Variants in ROBO2 observed in about 807,000 individuals in gnomAD.
The protein encoded by ROBO2 is roundabout guidance receptor 2.
ROBO2 carries 53 observed loss-of-function variants against 160.8 expected under a neutral mutation model. The observed-to-expected ratio is 0.33, with a 90% CI of 0.26 to 0.41. The LOEUF is 0.41. Among genes scored for constraint, ROBO2 ranks in the 10% least tolerant of loss-of-function variants. The pLI is 1.00. For synonymous variants in ROBO2, 664 were observed against 611.7 expected, an observed-to-expected ratio of 1.09 and a Z score of -1.26; for missense variants, 1,577 against 1,722.4, an observed-to-expected ratio of 0.92 and a Z score of 1.49.
chr3:77,253,565 TG>T (rs2090616241), intron 2 of ROBO2, among the ~76,000 whole-genome samples: 1 of 152,206 alleles, frequency 6.6e-6, no homozygotes, highest in African/African-American at 2.4e-5. Flanking sequence ...TTTCCCTAGG[TG>T]GGAGGACTCT....
intron 2 of ROBO2, among the ~76,000 whole-genome samples, chr3:76,562,932 C>A (rs2084290811): frequency 6.6e-6 from 1 of 151,902 alleles, no homozygotes; most frequent in Non-Finnish European, 1.5e-5. Flanking sequence ...CCCTTTCTTT[C>A]TTTTCTTTCT....
chr3:77,160,588 C>G (rs1173424402), intron 2 of ROBO2, among the ~76,000 whole-genome samples: 1 of 152,136 alleles, frequency 6.6e-6, no homozygotes, highest in Non-Finnish European at 1.5e-5. Context: ...CTGAATTATT[C>G]TGTTCTATAA....
At chr3:76,848,260 G>A (rs556684329) in intron 2 of ROBO2, among the ~76,000 whole-genome samples, 17 of 152,296 alleles carry the variant, frequency 1.1e-4, no homozygotes, top group Admixed American at 4.6e-4. Context: ...GTTCTGGGAT[G>A]TCTCATAGCC....
intron 2 of ROBO2, among the ~76,000 whole-genome samples, chr3:77,435,063 T>A (rs1349921406): frequency 6.6e-6 from 1 of 151,998 alleles, no homozygotes; most frequent in Non-Finnish European, 1.5e-5. Flanking sequence ...ATCAGTGAGA[T>A]GAACCCTATC....
intron 2 of ROBO2, among the ~76,000 whole-genome samples, chr3:76,752,859 G>A (rs1272564321): frequency 1.3e-5 from 2 of 151,588 alleles, no homozygotes; most frequent in Middle Eastern, 3.4e-3. Flanking sequence ...TTGTATTTTT[G>A]TTTCTAAGTA....
chr3:76,624,857 G>A (rs1168052629), intron 2 of ROBO2, among the ~76,000 whole-genome samples: 1 of 125,414 alleles, frequency 8.0e-6, no homozygotes, highest in African/African-American at 3.0e-5. Flanking sequence ...AGAAAACTGT[G>A]ATATCTGGAA....
chr3:76,792,589 C>G (rs779661260), intron 2 of ROBO2, among the ~76,000 whole-genome samples: 2 of 151,486 alleles, frequency 1.3e-5, no homozygotes, highest in Non-Finnish European at 3.0e-5. Context: ...AAAATTTCAG[C>G]AATATTACAT....
chr3:76,949,020 G>A (rs925089373), intron 2 of ROBO2, among the ~76,000 whole-genome samples: 2 of 147,730 alleles, frequency 1.4e-5, no homozygotes, highest in Non-Finnish European at 3.0e-5. Flanking sequence ...CAAAGTGCTG[G>A]GATTACAGGC....
chr3:77,610,761 A>G (rs1435307604), intron 21 of ROBO2, among the ~76,000 whole-genome samples: 3 of 149,598 alleles, frequency 2.0e-5, no homozygotes, highest in Non-Finnish European at 1.5e-5. Flanking sequence ...AAAAAAAAAA[A>G]AAAAAAGAAA....
chr3:77,162,207 A>G (rs930715778), intron 2 of ROBO2, among the ~76,000 whole-genome samples: 3 of 152,194 alleles, frequency 2.0e-5, no homozygotes, highest in Non-Finnish European at 4.4e-5. Flanking sequence ...GAAAAAAATA[A>G]AACAGCTTAA....
chr3:76,263,628 TTAATG>T (rs1007857921), intron 2 of ROBO2, among the ~76,000 whole-genome samples: 2 of 152,088 alleles, frequency 1.3e-5, no homozygotes, highest in Non-Finnish European at 2.9e-5. Context: ...AATGAAAACT[TTAATG>T]AAATAAGTTC....
chr3:77,632,426 G>A, intron 23 of ROBO2: 3 of 1,395,730 alleles, frequency 2.1e-6, no homozygotes, highest in Non-Finnish European at 2.9e-6. Context: ...ACAAGCAGAT[G>A]AGATTTTCAA....
intron 2 of ROBO2, among the ~76,000 whole-genome samples, chr3:76,872,734 A>C (rs2072246160): frequency 1.3e-5 from 2 of 151,946 alleles, no homozygotes; most frequent in Admixed American, 6.6e-5. Context: ...GATTTATCTA[A>C]GGTTTTGAAT....
At chr3:76,669,721 T>C (rs2593864) in intron 2 of ROBO2, among the ~76,000 whole-genome samples, 128,638 of 152,194 alleles carry the variant, frequency 0.85, 54,527 homozygotes, top group South Asian at 0.92. Context: ...GTGGTGCAAG[T>C]TTCATGCTGT....
intron 2 of ROBO2, among the ~76,000 whole-genome samples, chr3:76,748,936 A>C (rs1417375068): frequency 6.6e-6 from 1 of 151,902 alleles, no homozygotes; most frequent in Non-Finnish European, 1.5e-5. Flanking sequence ...AAAGCAAGCT[A>C]AAATTCAACC....
chr3:76,996,146 A>T (rs2060990111), intron 2 of ROBO2, among the ~76,000 whole-genome samples: 1 of 152,142 alleles, frequency 6.6e-6, no homozygotes, highest in African/African-American at 2.4e-5. Flanking sequence ...TAAGGAAGGG[A>T]TCCAGTTTCA....
At chr3:76,387,345 C>T (rs1036434649) in intron 2 of ROBO2, among the ~76,000 whole-genome samples, 12 of 151,900 alleles carry the variant, frequency 7.9e-5, no homozygotes, top group African/African-American at 2.7e-4. Context: ...GGGCAGGTTT[C>T]CCAGAGAAAA....
intron 2 of ROBO2, among the ~76,000 whole-genome samples, chr3:76,014,946 G>GACAT (rs528142428): frequency 7.2e-4 from 109 of 152,042 alleles, no homozygotes; most frequent in African/African-American, 2.5e-3. Context: ...AATAAATAAA[G>GACAT]ACATACATAC....
intron 2 of ROBO2, among the ~76,000 whole-genome samples, chr3:76,867,788 C>G (rs139269468): frequency 6.6e-6 from 1 of 152,084 alleles, no homozygotes; most frequent in Non-Finnish European, 1.5e-5. Context: ...ATTGCATGAG[C>G]CTTGGGAAAG....
Sources: allele counts gnomAD v4.1 joint callset (sites outside exome capture counted in the v4.1 genomes callset), GRCh38; gene constraint gnomAD v4.1.1; transcripts MANE v1.5; gene names NCBI Gene and HGNC (gene_info 2026-07-23, HGNC 2026-07-21).